Variants in SORCS2 observed in about 807,000 individuals in gnomAD.
SORCS2 encodes sortilin related VPS10 domain containing receptor 2, also known as VPS10 domain-containing receptor SorCS2.
SORCS2 carries 100 observed loss-of-function variants against 141.6 expected under a neutral mutation model. That is an observed-to-expected ratio of 0.71 (90% CI 0.60 to 0.83). The LOEUF (loss-of-function observed/expected upper bound fraction) is 0.83. SORCS2 is among the 40% of genes least tolerant of loss of function. SORCS2 has a pLI of 0.00. For synonymous variants in SORCS2, 789 were observed against 676.9 expected (o/e 1.17, Z -2.57); for missense variants, 1,646 against 1,560.2 (o/e 1.05, Z -0.93).
chr4:7,682,665 G>C lies in SORCS2; in HGVS notation c.1342-78G>C, dbSNP rs1723597806. 2.8e-6 allele frequency: 4 copies of C among 1,431,372 alleles called. No individual in the cohort carries two copies. The African/African-American group carries it at 4.3e-5, about 15-fold the overall frequency. 88.7% of individuals were successfully genotyped at this position (1,431,372 alleles called of 1,614,324 possible). On this transcript the variant is annotated intron_variant, in intron 9 of 26. Coordinates refer to ENST00000507866, the MANE Select transcript of SORCS2 (RefSeq NM_020777.3). ...CACATGTGCAGAGCACTTTAGCAAG[G>C]GGCTGGAGCATGGTGGATACTTGGT...
At chr4:7,465,732 A>C (rs1729575737) in intron 2 of SORCS2, among the ~76,000 whole-genome samples, 1 of 152,232 alleles carries the variant, frequency 6.6e-6, no homozygotes, top group South Asian at 2.1e-4. Flanking sequence ...TAATAGTTAC[A>C]CATGTACAAG....
intron 1 of SORCS2, among the ~76,000 whole-genome samples, chr4:7,298,603 C>T (rs891993944): frequency 4.6e-5 from 7 of 152,176 alleles, no homozygotes; most frequent in East Asian, 1.9e-4. Flanking sequence ...AGGTTTCTGC[C>T]GCTCCCACGG....
chr4:7,423,235 CTGA>C (rs1209212569), intron 2 of SORCS2, among the ~76,000 whole-genome samples: 1 of 152,114 alleles, frequency 6.6e-6, no homozygotes, highest in African/African-American at 2.4e-5. Flanking sequence ...TGCATTATTG[CTGA>C]TGATATTATT....
intron 2 of SORCS2, among the ~76,000 whole-genome samples, chr4:7,515,007 G>T (rs1459896040): frequency 6.6e-6 from 1 of 152,202 alleles, no homozygotes; most frequent in African/African-American, 2.4e-5. Context: ...GAAGGGCATG[G>T]ACAACCCAGA....
chr4:7,684,566 T>G (rs564803304), intron 10 of SORCS2, among the ~76,000 whole-genome samples: 1 of 152,280 alleles, frequency 6.6e-6, no homozygotes, highest in Admixed American at 6.5e-5. Flanking sequence ...AAGCCCTTCT[T>G]AGAGACTGCA....
intron 2 of SORCS2, among the ~76,000 whole-genome samples, chr4:7,475,134 C>A (rs1730211162): frequency 6.6e-6 from 1 of 152,174 alleles, no homozygotes; most frequent in African/African-American, 2.4e-5. Flanking sequence ...TTTAGGGGCA[C>A]CCGATTCCAC....
intron 3 of SORCS2, among the ~76,000 whole-genome samples, chr4:7,591,205 T>C (rs1716892540): frequency 6.6e-6 from 1 of 151,824 alleles, no homozygotes; most frequent in African/African-American, 2.4e-5. Flanking sequence ...CTCCTTCTTC[T>C]CTTGTGCTCA....
At position 7,434,481 on chromosome 4, in the gene SORCS2, C is replaced by T. The variant is rs369932062; in HGVS notation, c.548+38126C>T. On this transcript the variant is annotated intron_variant, in intron 2 of 26. Transcript: ENST00000507866. ...GCTCACAGAGGCTGAGCGCTGTGCA[C>T]ACCTGTGCCGGGGCACTGTCCGGGG... 9 of 1,611,832 alleles carry T rather than the reference C, an allele frequency of 5.6e-6. No homozygotes were observed. The African/African-American group carries it at 6.7e-5, about 12-fold the overall frequency.
chr4:7,554,959 G>T (rs1483116492), intron 3 of SORCS2, among the ~76,000 whole-genome samples: 1 of 152,188 alleles, frequency 6.6e-6, no homozygotes, highest in Non-Finnish European at 1.5e-5. Flanking sequence ...AGGCTCAGGT[G>T]CAAGTGCATC....
At chr4:7,267,923 G>A (rs747361355) in intron 1 of SORCS2, among the ~76,000 whole-genome samples, 16 of 152,254 alleles carry the variant, frequency 1.1e-4, no homozygotes, top group South Asian at 2.1e-4. Context: ...GTTGTAGAAT[G>A]AGGTGACAAT....
intron 1 of SORCS2, among the ~76,000 whole-genome samples, chr4:7,375,585 G>A (rs1021069030): frequency 2.6e-5 from 4 of 152,312 alleles, no homozygotes; most frequent in South Asian, 2.1e-4. Flanking sequence ...GCACTTCCTC[G>A]ATTGCATGGA....
At chr4:7,559,462 G>A (rs1009903304) in intron 3 of SORCS2, among the ~76,000 whole-genome samples, 1 of 152,166 alleles carries the variant, frequency 6.6e-6, no homozygotes, top group Non-Finnish European at 1.5e-5. Context: ...CGTGGAGGCC[G>A]ACCCCGTTGG....
At chr4:7,242,565 C>T (rs901576918) in intron 1 of SORCS2, among the ~76,000 whole-genome samples, 4 of 152,156 alleles carry the variant, frequency 2.6e-5, no homozygotes, top group African/African-American at 9.7e-5. Flanking sequence ...CTTCCCCTTC[C>T]TCTCCACCTT....
chr4:7,386,172 C>T (rs546927168), intron 1 of SORCS2, among the ~76,000 whole-genome samples: 14 of 142,130 alleles, frequency 9.9e-5, no homozygotes, highest in Middle Eastern at 3.9e-3. Context: ...GATACACATG[C>T]GCACGCACAC....
intron 3 of SORCS2, among the ~76,000 whole-genome samples, chr4:7,601,754 G>T (rs1560417882): frequency 6.6e-6 from 1 of 151,942 alleles, no homozygotes; most frequent in African/African-American, 2.4e-5. Context: ...AATAGTGGAG[G>T]GAAGGTCAGC....
intron 2 of SORCS2, among the ~76,000 whole-genome samples, chr4:7,507,550 A>G (rs1374490292): frequency 6.6e-6 from 1 of 152,246 alleles, no homozygotes; most frequent in Non-Finnish European, 1.5e-5. Context: ...GAAAAACCAA[A>G]GAAAGAGAAC....
intron 2 of SORCS2, among the ~76,000 whole-genome samples, chr4:7,450,421 C>T (rs542920209): frequency 2.6e-5 from 4 of 152,210 alleles, no homozygotes; most frequent in Non-Finnish European, 5.9e-5. Context: ...TCAACCATCA[C>T]GGTTGAGTGT....
intron 2 of SORCS2, among the ~76,000 whole-genome samples, chr4:7,408,641 C>T (rs1003819093): frequency 5.3e-5 from 8 of 152,016 alleles, no homozygotes; most frequent in African/African-American, 1.9e-4. Flanking sequence ...ATATTTATAT[C>T]TTTTTCAAGT....
chr4:7,622,144 G>A (rs1363799138), intron 3 of SORCS2, among the ~76,000 whole-genome samples: 2 of 152,124 alleles, frequency 1.3e-5, no homozygotes. Context: ...CAGCAGGCCT[G>A]AGGCACCTCC....
Sources: gnomAD v4.1 joint callset for allele counts (sites outside exome capture counted in the v4.1 genomes callset) on GRCh38, gnomAD v4.1.1 for gene constraint, MANE v1.5 for transcripts, NCBI Gene and HGNC (gene_info 2026-07-23, HGNC 2026-07-21) for gene names.